CIT: variants seen among roughly 807,000 people sequenced by gnomAD.
CIT encodes citron rho-interacting serine/threonine kinase.
In CIT, 79 loss-of-function variants were observed where a neutral mutation model predicts 272.7. That is an observed-to-expected ratio of 0.29 (90% CI 0.24 to 0.35). The LOEUF is 0.35. Among genes scored for constraint, CIT ranks in the 10% least tolerant of loss-of-function variants. The probability of loss-of-function intolerance (pLI) is 1.00; values close to 1 mark genes in which losing one functional copy is unlikely to be tolerated. For missense variants in CIT, 1,909 were observed against 2,618.3 expected (o/e 0.73, Z 5.91); for synonymous variants, 948 against 995.6 (o/e 0.95, Z 0.90).
At chr12:119,808,617 T>C (rs1966737428) in intron 9 of CIT, among the ~76,000 whole-genome samples, 2 of 152,152 alleles carry the variant, frequency 1.3e-5, no homozygotes, top group African/African-American at 4.8e-5. Context: ...GAGCCAGCAC[T>C]GTGTCATAAA....
At chr12:119,822,729 C>A in intron 9 of CIT, 91 bp downstream of exon 9, 1 of 1,366,584 alleles carries the variant, frequency 7.3e-7, no homozygotes, top group Non-Finnish European at 1.0e-6. Flanking sequence ...ATGTAATTTA[C>A]AGAAGCTTCT....
intron 37 of CIT, chr12:119,711,107 A>G (rs1020593444): frequency 7.3e-7 from 1 of 1,366,412 alleles, no homozygotes; most frequent in African/African-American, 1.5e-5. Context: ...TTGTACACAT[A>G]TTAACAAGGA....
At chr12:119,745,206 C>T (rs577285230) in intron 23 of CIT, among the ~76,000 whole-genome samples, 1 of 138,200 alleles carries the variant, frequency 7.2e-6, no homozygotes, top group Admixed American at 7.2e-5. Flanking sequence ...AAAAGAAAAT[C>T]TTAAAAAAAA....
Position 119,834,187 on chromosome 12 carries a change from C to G in CIT, c.558G>C (p.Leu186Phe). The G allele has an allele frequency of 1.2e-6, 2 of 1,613,686 alleles. No individual in the cohort carries two copies. Among genetic ancestry groups the G allele is most frequent in the Non-Finnish European group, 1.7e-6 (2 of 1,179,882 alleles). Residue 186 changes from leucine (L) to phenylalanine (F), a missense_variant, in exon 6 of 48, where the codon TTG (leucine) becomes TTC (phenylalanine). Around this residue, in one of 8 missense-constraint regions of CIT, gnomAD observed 529 missense variants for 549.6 expected, o/e 0.96. Transcript: ENST00000392521. Reference sequence around the variant, plus strand: ...CATCTAACTGGTCCTCATATCTATTCAAAAGTGACAGCAAGTCCCCTCCAG... The same window carrying G: ...CATCTAACTGGTCCTCATATCTATTGAAAAGTGACAGCAAGTCCCCTCCAG... ...YQPGGDLLSLLNRYEDQLDEN... is the reference protein window; with the variant it reads ...YQPGGDLLSLFNRYEDQLDEN...
intron 32 of CIT, 45 bp from the exon 33 acceptor site, chr12:119,714,379 T>A: frequency 2.5e-6 from 4 of 1,607,462 alleles, no homozygotes; most frequent in South Asian, 2.2e-5. Flanking sequence ...CTGCAAATGA[T>A]CCCATCAGGA....
intron 24 of CIT, among the ~76,000 whole-genome samples, chr12:119,739,079 G>A (rs1442421093): frequency 6.6e-6 from 1 of 152,168 alleles, no homozygotes; most frequent in African/African-American, 2.4e-5. Context: ...GAAGAAACCA[G>A]TCAGATAATG....
intron 10 of CIT, among the ~76,000 whole-genome samples, chr12:119,787,415 A>G (rs1964887295): frequency 6.9e-6 from 1 of 144,550 alleles, no homozygotes; most frequent in Non-Finnish European, 1.5e-5. Flanking sequence ...TGGGTAACAC[A>G]GCAAGACCTT....
In CIT at chr12:119,784,126, C is replaced by G. The variant is rs573821732; in HGVS notation, c.1402-75G>C. The G allele has an allele frequency of 6.2e-7, 1 of 1,612,946 alleles. No individual in the cohort carries two copies. Among genetic ancestry groups the G allele is most frequent in the East Asian group, 2.2e-5 (1 of 44,824 alleles). ...GAGCAATCACATCTCAAGTAGCCTC[C>G]GAAACCACCTGGTGGTCTGGGCTAA... On this transcript the variant is annotated intron_variant, in intron 11 of 47. Coordinates refer to ENST00000392521, the MANE Select transcript of CIT (RefSeq NM_001206999.2). The surrounding 1 kb of genome is among the most constrained non-coding windows in gnomAD (Gnocchi z 4.7).
intron 26 of CIT, among the ~76,000 whole-genome samples, chr12:119,732,967 C>T (rs1958546361): frequency 6.6e-6 from 1 of 152,192 alleles, no homozygotes; most frequent in African/African-American, 2.4e-5. Flanking sequence ...CATTTCTTTC[C>T]ATCTGTGAAA....
At chr12:119,717,838 C>CTTTTTTTTTTTTTTTTTTATTTTT (rs1957602980) in intron 32 of CIT, among the ~76,000 whole-genome samples, 1 of 81,332 alleles carries the variant, frequency 1.2e-5, no homozygotes, top group Non-Finnish European at 2.3e-5. Flanking sequence ...TGACTTCTTT[C>CTTTTTTTTTTTTTTTTTTATTTTT]TTTTTTTTTT....
Position 119,700,363 on chromosome 12 carries a change from T to A in CIT, c.5623+382A>T, listed in dbSNP as rs557958129. ...GTGCTTAGGCCAAAAAAGAAAAAAA[T>A]TTCCACTTGCAATTGCGGTTTTTTT... On this transcript the variant is annotated intron_variant, in intron 44 of 47. Coordinates refer to ENST00000392521, the MANE Select transcript of CIT (RefSeq NM_001206999.2). 3.3e-5 allele frequency among the ~76,000 whole-genome samples: 5 copies of A among 152,210 alleles called. No individual in the cohort carries two copies. In the South Asian group the frequency reaches 8.3e-4, roughly 25 times the overall value.
At chr12:119,798,815 T>C (rs937606266) in intron 10 of CIT, among the ~76,000 whole-genome samples, 12 of 152,332 alleles carry the variant, frequency 7.9e-5, no homozygotes, top group African/African-American at 2.9e-4. Context: ...AATTGTGAAT[T>C]GGCATTACCC....
intron 4 of CIT, among the ~76,000 whole-genome samples, chr12:119,853,120 A>G (rs1483443055): frequency 1.3e-5 from 2 of 152,116 alleles, no homozygotes; most frequent in Non-Finnish European, 2.9e-5. Flanking sequence ...GCAGGTCAGG[A>G]GTTCAAGACT....
chr12:119,838,365 G>T (rs148105985), intron 5 of CIT, among the ~76,000 whole-genome samples: 1 of 152,102 alleles, frequency 6.6e-6, no homozygotes. Flanking sequence ...GAGCCACTGC[G>T]CCCGGCAAGA....
At chr12:119,848,993 A>G (rs1473972987) in intron 5 of CIT, among the ~76,000 whole-genome samples, 1 of 152,142 alleles carries the variant, frequency 6.6e-6, no homozygotes, top group Non-Finnish European at 1.5e-5. Context: ...CTGGGTGGCA[A>G]AGTGAGACCT....
chr12:119,833,866 G>A lies in CIT; in HGVS notation c.659+220C>T, dbSNP rs142087055. On this transcript the variant is annotated intron_variant, in intron 6 of 47. Coordinates refer to ENST00000392521, the MANE Select transcript of CIT (RefSeq NM_001206999.2). ...TAATAGATATTACTAGCAAACTTGA[G>A]CACATTACAATTCTAGATCTATTGC... Among the ~76,000 whole-genome samples the A allele has an allele frequency of 2.6e-5, 4 of 152,240 alleles. No individual in the cohort carries two copies. The East Asian group carries it at 7.7e-4, about 29-fold the overall frequency.
At position 119,734,290 on chromosome 12, in the gene CIT, T is replaced by G. The variant is rs1565959289; in HGVS notation, c.3224A>C (p.Asn1075Thr). The change falls in exon 26 of 48, where the codon AAC becomes ACC. Residue 1075 changes from asparagine (N) to threonine (T), a missense_variant. Physicochemically the swap from Asn to Thr is moderately conservative, Grantham distance 65. This residue lies in a region of CIT where 530 missense variants were observed against 822.4 expected (regional missense o/e 0.64). Coordinates refer to ENST00000392521, the MANE Select transcript of CIT (RefSeq NM_001206999.2). ...EEQVMDLEAL[N>T]DELLEKERQW... The stretch of plus-strand genomic sequence containing the variant: ...CCGCTCTTTTTCTAGCAGCTCATCG[T>G]TTAGGGCCTCCAAATCCATGACCTG... The G allele has an allele frequency of 1.1e-5, 18 of 1,613,812 alleles. No individual in the cohort carries two copies. Among genetic ancestry groups the G allele is most frequent in the Non-Finnish European group, 1.4e-5 (17 of 1,179,938 alleles).
intron 40 of CIT, among the ~76,000 whole-genome samples, chr12:119,706,275 CTTTT>C (rs1429615957): frequency 6.6e-6 from 1 of 152,078 alleles, no homozygotes; most frequent in African/African-American, 2.4e-5. Context: ...CGCAAACACT[CTTTT>C]TTATTATTTT....
At chr12:119,724,146 G>A (rs941951212) in intron 28 of CIT, among the ~76,000 whole-genome samples, 5 of 151,844 alleles carry the variant, frequency 3.3e-5, no homozygotes, top group African/African-American at 1.2e-4. Context: ...TAAAAGAGAA[G>A]GCAATTTGGA....
Sources: gnomAD v4.1 joint callset for allele counts (sites outside exome capture counted in the v4.1 genomes callset) on GRCh38, gnomAD v4.1.1 for gene constraint, gnomAD v4.1.1 regional missense constraint, Gnocchi (gnomAD v3.1) non-coding constraint, MANE v1.5 for transcripts, NCBI Gene and HGNC (gene_info 2026-07-23, HGNC 2026-07-21) for gene names.